Variants in DMD observed in about 807,000 individuals in gnomAD.
DMD encodes the protein dystrophin, also known as mutant dystrophin.
In DMD, 63 loss-of-function variants were observed where a neutral mutation model predicts 330.1. The ratio of observed to expected loss-of-function variants is 0.19; its 90% confidence interval spans 0.16 to 0.24. The LOEUF (loss-of-function observed/expected upper bound fraction) is 0.24, where lower values mean the gene tolerates loss of function less well. Ranked by LOEUF, DMD falls within the 10% of genes least tolerant of loss-of-function variation. The pLI, the probability that DMD is intolerant of heterozygous loss-of-function variation, is 1.00. For synonymous variants in DMD, 1,223 were observed against 959.8 expected, an observed-to-expected ratio of 1.27 and a Z score of -5.07; for missense variants, 3,344 against 2,684.1, an observed-to-expected ratio of 1.25 and a Z score of -5.43.
chrX:32,903,749 A>C (rs1378540504), intron 2 of DMD, among the ~76,000 whole-genome samples: 1 of 111,974 alleles, frequency 8.9e-6, no homozygotes, highest in African/African-American at 3.2e-5. Context: ...ATTTCTTATG[A>C]TATTATCATT....
intron 11 of DMD, among the ~76,000 whole-genome samples, chrX:32,628,094 T>A (rs1164187082): frequency 4.6e-5 from 5 of 108,058 alleles, no homozygotes; most frequent in Non-Finnish European, 9.5e-5. Flanking sequence ...AAATTATGTT[T>A]GACAGTAATC....
intron 7 of DMD, among the ~76,000 whole-genome samples, chrX:32,775,524 A>G (rs2074053104): frequency 8.8e-6 from 1 of 113,370 alleles, no homozygotes; most frequent in Admixed American, 9.2e-5. Context: ...CGTAGGCAGA[A>G]CACCACATGG....
chrX:32,573,288 GAA>G (rs2052638002), intron 15 of DMD, among the ~76,000 whole-genome samples: 1 of 111,557 alleles, frequency 9.0e-6, no homozygotes, highest in African/African-American at 3.3e-5. Context: ...AATTTTAATT[GAA>G]GTCTTATTCT....
chrX:33,178,041 T>C lies in DMD; in HGVS notation c.31+33241A>G, dbSNP rs1443598167. On this transcript the variant is annotated intron_variant, in intron 1 of 78. Transcript: ENST00000357033. ...GTAACAACCTAGTAACACGGATGTA[T>C]GCCCTCAGAGAATGGGAATCAGAAT... 8.0e-5 allele frequency among the ~76,000 whole-genome samples: 9 copies of C among 112,366 alleles called. No individual in the cohort carries two copies. The Admixed American group carries it at 8.5e-4, about 11-fold the overall frequency.
intron 1 of DMD, among the ~76,000 whole-genome samples, chrX:33,093,351 C>T (rs918312399): frequency 2.7e-5 from 3 of 112,075 alleles, no homozygotes; most frequent in Admixed American, 9.5e-5. Context: ...ACTGAGTGTA[C>T]GTCTTCCCCA....
chrX:32,744,402 T>C (rs1429100876), intron 7 of DMD, among the ~76,000 whole-genome samples: 1 of 111,073 alleles, frequency 9.0e-6, no homozygotes, highest in Non-Finnish European at 1.9e-5. Flanking sequence ...TCTTGGTGTC[T>C]TCTTCTCATA....
intron 67 of DMD, among the ~76,000 whole-genome samples, chrX:31,200,857 C>T (rs987172971): frequency 3.1e-4 from 35 of 111,430 alleles, no homozygotes; most frequent in African/African-American, 1.1e-3. Context: ...CAATGGAAAG[C>T]AATCAAACAA....
At chrX:31,822,653 G>GGGGGGGTGTGTGTGTGT (rs58903799) in intron 49 of DMD, among the ~76,000 whole-genome samples, 1 of 65,809 alleles carries the variant, frequency 1.5e-5, no homozygotes, top group African/African-American at 6.4e-5. Context: ...AAGGCAGAGG[G>GGGGGGGTGTGTGTGTGT]GTGTGTGTGT....
intron 64 of DMD, among the ~76,000 whole-genome samples, chrX:31,220,155 T>C (rs769318897): frequency 4.5e-5 from 5 of 111,142 alleles, no homozygotes; most frequent in Non-Finnish European, 9.4e-5. Flanking sequence ...AACAACAAAG[T>C]TGCCTAACAA....
At chrX:33,152,525 C>T (rs574426899) in intron 1 of DMD, among the ~76,000 whole-genome samples, 7 of 107,318 alleles carry the variant, frequency 6.5e-5, no homozygotes, top group African/African-American at 2.3e-4. Context: ...GAGCCACACA[C>T]GGAGTTTGTG....
intron 29 of DMD, among the ~76,000 whole-genome samples, chrX:32,437,730 T>A (rs1354254838): frequency 8.9e-6 from 1 of 112,615 alleles, no homozygotes; most frequent in South Asian, 3.6e-4. Context: ...TGCAAAACAC[T>A]GACTAGGAGA....
chrX:33,109,749 T>G (rs1186371997), intron 1 of DMD, among the ~76,000 whole-genome samples: 1 of 111,294 alleles, frequency 9.0e-6, no homozygotes, highest in Non-Finnish European at 1.9e-5. Context: ...AGATGTTGTT[T>G]GAAATAATGA....
chrX:31,855,367 T>G (rs1027023121), intron 48 of DMD, among the ~76,000 whole-genome samples: 5 of 112,311 alleles, frequency 4.5e-5, no homozygotes, highest in African/African-American at 6.5e-5. Context: ...TGGCCAGTGA[T>G]ATTTGCATTA....
chrX:32,950,661 C>T (rs2146933026), intron 2 of DMD, among the ~76,000 whole-genome samples: 1 of 111,694 alleles, frequency 9.0e-6, no homozygotes, highest in African/African-American at 3.3e-5. Context: ...ACTGCACTTT[C>T]TACCCATCAG....
chrX:32,372,697 G>A (rs2097884186), intron 34 of DMD, among the ~76,000 whole-genome samples: 1 of 111,111 alleles, frequency 9.0e-6, no homozygotes, highest in African/African-American at 3.3e-5. Context: ...TACTCTGATT[G>A]AAGGGTGAAT....
At chrX:31,428,806 T>C (rs935231913) in intron 60 of DMD, among the ~76,000 whole-genome samples, 3 of 112,329 alleles carry the variant, frequency 2.7e-5, no homozygotes, top group Non-Finnish European at 3.8e-5. Flanking sequence ...GAGCTCACCT[T>C]CTCATAGTGA....
intron 20 of DMD, among the ~76,000 whole-genome samples, chrX:32,490,702 G>A (rs906927869): frequency 9.0e-6 from 1 of 111,244 alleles, no homozygotes; most frequent in African/African-American, 3.3e-5. Flanking sequence ...GATCCTTTCT[G>A]GACTAAAAGG....
chrX:31,433,061 G>T (rs2064197063), intron 60 of DMD, among the ~76,000 whole-genome samples: 1 of 111,582 alleles, frequency 9.0e-6, no homozygotes, highest in Admixed American at 9.5e-5. Context: ...ACACCCTCCT[G>T]CCCTTGTCAC....
chrX:31,505,569 G>A (rs777434533), intron 56 of DMD, among the ~76,000 whole-genome samples: 6 of 110,627 alleles, frequency 5.4e-5, no homozygotes, highest in Non-Finnish European at 9.5e-5. Context: ...TATATGCTAC[G>A]GTATCATATG....
Sources: gnomAD v4.1 joint callset for allele counts (sites outside exome capture counted in the v4.1 genomes callset) on GRCh38, gnomAD v4.1.1 for gene constraint, MANE v1.5 for transcripts, NCBI Gene and HGNC (gene_info 2026-07-23, HGNC 2026-07-21) for gene names.